PKD1: variants seen among roughly 807,000 people sequenced by gnomAD.
PKD1 encodes polycystin 1, transient receptor potential channel interacting.
Under a neutral mutation model 361.7 loss-of-function variants are expected in PKD1, and 81 were observed. That is an observed-to-expected ratio of 0.22 (90% CI 0.19 to 0.27). PKD1 has a LOEUF of 0.27. PKD1 is among the 10% of genes least tolerant of loss of function. The pLI, the probability that PKD1 is intolerant of heterozygous loss-of-function variation, is 1.00. For missense variants in PKD1, 6,399 were observed against 6,118.3 expected, an observed-to-expected ratio of 1.05 and a Z score of -1.53; for synonymous variants, 3,615 against 2,818.3, an observed-to-expected ratio of 1.28 and a Z score of -8.95.
In PKD1 at chr16:2,106,961, T is replaced by G; in HGVS notation, c.7066-13A>C. On this transcript the variant is annotated splice_polypyrimidine_tract_variant and intron_variant, in intron 16 of 45. Coordinates refer to ENST00000262304, the MANE Select transcript of PKD1 (RefSeq NM_001009944.3). This position sits in a 1 kb window ranked among gnomAD's most constrained non-coding sequence, Gnocchi z 6.5. Reference sequence around the variant, plus strand: ...TCCGGATCAGCACCTGGCGTGGGAGTGGGGTTACCTCCAACACAGGTCTAT... The same window carrying G: ...TCCGGATCAGCACCTGGCGTGGGAGGGGGGTTACCTCCAACACAGGTCTAT... 6.3e-7 allele frequency: 1 copy of G among 1,582,242 alleles called. No homozygotes were observed. Among genetic ancestry groups the G allele is most frequent in the Admixed American group, 1.7e-5 (1 of 59,908 alleles).
At chr16:2,119,055 G>C in intron 3 of PKD1, 59 bp downstream of exon 3, 1 of 1,012,102 alleles carries the variant, frequency 9.9e-7, no homozygotes, top group East Asian at 2.6e-5. Flanking sequence ...TGGGAGGGCA[G>C]AAGGGATATT....
rs772045797 is a variant in PKD1 at position 2,111,334 on chromosome 16, C to T, written c.3833G>A (p.Ser1278Asn). 2 of 1,608,866 alleles carry T rather than the reference C, an allele frequency of 1.2e-6. No homozygotes were observed. The highest frequency in any genetic ancestry group is 2.2e-5 in the South Asian group (2 of 90,912). ...QNCTVTVGAA[S>N]PAGHLARSLH... ...GCTCCGGGCCAGGTGGCCGGCGGGG[C>T]TGGCCGCACCCACGGTCACTGTGCA... Residue 1278 changes from serine (S) to asparagine (N), a missense_variant, in exon 15 of 46, where the codon AGC (serine) becomes AAC (asparagine). Ser to Asn is a conservative substitution (Grantham distance 46). Transcript: ENST00000262304.
chr16:2,102,067 C>G lies in PKD1; in HGVS notation c.9391G>C (p.Gly3131Arg). 4 of 1,547,770 alleles carry G rather than the reference C, an allele frequency of 2.6e-6. No individual in the cohort carries two copies. The South Asian group carries it at 4.6e-5, about 18-fold the overall frequency. The change falls in exon 26 of 46, where the codon GGC becomes CGC. Residue 3131 changes from glycine to arginine, a missense_variant. Transcript: ENST00000262304. ...ACCCCGCTGCGCCCCTCACCTGAGCCCCGGCCCCAGCCTGTCTTGACGAGG... is the reference window on the plus strand; with the variant it reads ...ACCCCGCTGCGCCCCTCACCTGAGCGCCGGCCCCAGCCTGTCTTGACGAGG... ...EILVKTGWGR[G>R]SGTTAHVGIM...
chr16:2,103,936 G>A (rs768366424), intron 22 of PKD1, 41 bp from the exon 23 acceptor site: 5 of 1,400,154 alleles, frequency 3.6e-6, no homozygotes, highest in African/African-American at 2.0e-5. Flanking sequence ...CAGGGAGGTA[G>A]AGGGAGGGTG....
At chr16:2,115,667 G>A in intron 9 of PKD1, 42 bp from the exon 10 acceptor site, 3 of 1,583,646 alleles carry the variant, frequency 1.9e-6, no homozygotes, top group South Asian at 1.1e-5. Context: ...TTTGCCCACA[G>A]GCCACCGTCA....
Position 2,110,862 on chromosome 16 carries a change from G to A in PKD1, c.4305C>T (p.Tyr1435=). 3.1e-6 allele frequency: 5 copies of A among 1,611,842 alleles called. No homozygotes were observed. The highest frequency in any genetic ancestry group is 4.2e-6 in the Non-Finnish European group (5 of 1,179,836). Residue 1435 remains tyrosine (Y), a synonymous_variant, in exon 15 of 46, where the codon TAC becomes TAT. Coordinates refer to ENST00000262304, the MANE Select transcript of PKD1 (RefSeq NM_001009944.3). ...RARGPEVTFI[Y]RDPGSYLVTV... Reference sequence around the variant, plus strand: ...TCACAAGATAGGAGCCTGGGTCTCGGTAGATGAACGTCACCTCAGGGCCCC... The same window carrying A: ...TCACAAGATAGGAGCCTGGGTCTCGATAGATGAACGTCACCTCAGGGCCCC...
chr16:2,125,705 G>A (rs1344858616), intron 1 of PKD1, among the ~76,000 whole-genome samples: 1 of 151,826 alleles, frequency 6.6e-6, no homozygotes, highest in East Asian at 1.9e-4. Flanking sequence ...TCATACGTAT[G>A]CTACCTGCCG....
At chr16:2,096,966 C>A in intron 34 of PKD1, 182 bp downstream of exon 34, 1 of 618,562 alleles carries the variant, frequency 1.6e-6, no homozygotes, top group Admixed American at 2.5e-5. Context: ...GGTTCTGGGG[C>A]CCTGGGGATC....
chr16:2,100,366 G>A lies in PKD1; in HGVS notation c.9568+30C>T, dbSNP rs777347956. ...CAGGGCGCCCCAATGCGGGGGCAGA[G>A]GGGCAGAGCTTGGCAGGGTCCGCAC... is the stretch of plus-strand genomic sequence containing the variant. On this transcript the variant is annotated intron_variant, in intron 27 of 45. Coordinates refer to ENST00000262304, the MANE Select transcript of PKD1 (RefSeq NM_001009944.3). The surrounding 1 kb of genome is among the most constrained non-coding windows in gnomAD (Gnocchi z 4.4). 5.6e-6 allele frequency: 9 copies of A among 1,610,940 alleles called. No homozygotes were observed. The highest frequency in any genetic ancestry group is 1.7e-5 in the Admixed American group (1 of 60,006).
At position 2,089,981 on chromosome 16, in the gene PKD1, C is replaced by G; in HGVS notation, c.12658G>C (p.Glu4220Gln). 6.2e-7 allele frequency: 1 copy of G among 1,611,856 alleles called. No homozygotes were observed. The highest frequency in any genetic ancestry group is 8.5e-7 in the Non-Finnish European group (1 of 1,179,636). ...PEPSRLQAVF[E>Q]ALLTQFDRLN... ...CGGTCAAACTGGGTGAGCAGGGCCT[C>G]GAACACGGCTTGGAGGCGGGAGGGC... is the stretch of plus-strand genomic sequence containing the variant. The change falls in exon 46 of 46, where the codon GAG becomes CAG. Residue 4220 changes from glutamate (E) to glutamine (Q), a missense_variant. Glu to Gln is a conservative substitution (Grantham distance 29). Transcript: ENST00000262304.
At chr16:2,122,524 C>T (rs1056874759) in intron 1 of PKD1, among the ~76,000 whole-genome samples, 3 of 152,202 alleles carry the variant, frequency 2.0e-5, no homozygotes, top group South Asian at 2.1e-4. Flanking sequence ...CCCACAGCCG[C>T]GCTGCTAGGC....
At chr16:2,102,790 G>T (rs377006345) in intron 24 of PKD1, 24 bp downstream of exon 24, 22 of 1,609,620 alleles carry the variant, frequency 1.4e-5, no homozygotes, top group Non-Finnish European at 2.5e-6. Context: ...GCCCTGCCCT[G>T]CCAGGCTGGC....
rs759757732 is a variant in PKD1 at position 2,090,899 on chromosome 16, G to C, written c.11988C>G (p.Phe3996Leu). 6.3e-7 allele frequency: 1 copy of C among 1,599,152 alleles called. No homozygotes were observed. Among genetic ancestry groups the C allele is most frequent in the South Asian group, 1.1e-5 (1 of 90,648 alleles). Residue 3996 changes from phenylalanine (F) to leucine (L), a missense_variant, in exon 43 of 46, where the codon TTC (phenylalanine) becomes TTG (leucine). By Grantham distance (22) the Phe-to-Leu change is conservative. Transcript: ENST00000262304. Reference protein sequence around the residue: ...AARGLAASLLFLLLVKAAQQL... With the variant: ...AARGLAASLLLLLLVKAAQQL... ...CAGCCCTCACCTTGACCAAAAGCAG[G>C]AAGAGCAGCGAGGCCGCCAGGCCAC...
intron 1 of PKD1, among the ~76,000 whole-genome samples, chr16:2,125,236 G>T (rs1253026147): frequency 6.6e-6 from 1 of 152,220 alleles, no homozygotes; most frequent in Non-Finnish European, 1.5e-5. Flanking sequence ...CCCGGGCTGG[G>T]CAGATGGCTG....
intron 15 of PKD1, 27 bp downstream of exon 15, chr16:2,108,225 T>C (rs560681737): frequency 5.1e-6 from 8 of 1,581,918 alleles, no homozygotes; most frequent in South Asian, 2.3e-5. Flanking sequence ...GTGAGGGGCA[T>C]GGAGGACGGC....
Position 2,112,277 on chromosome 16 carries a change from G to A in PKD1, c.3295+63C>T, listed in dbSNP as rs2369076. 7.6e-6 allele frequency: 11 copies of A among 1,446,850 alleles called. No homozygotes were observed. The East Asian group carries it at 1.9e-4, about 25-fold the overall frequency. The allele number at this position is 1,446,850 out of a possible 1,614,324, so 89.6% of individuals were successfully genotyped here. A position where few individuals can be genotyped will look rare whatever the true frequency, so the allele number is the denominator to read the frequency against. ...GGAAGGGGGGCAGCTTGACTGGGGA[G>A]CTGGGGGGACCCCGTGCTCAGAGCC... On this transcript the variant is annotated intron_variant, in intron 14 of 45. Coordinates refer to ENST00000262304, the MANE Select transcript of PKD1 (RefSeq NM_001009944.3).
At chr16:2,108,129 A>G in intron 15 of PKD1, 97 bp from the exon 16 acceptor site, 1 of 1,482,088 alleles carries the variant, frequency 6.7e-7, no homozygotes, top group Non-Finnish European at 9.3e-7. Flanking sequence ...CCCCCTCCCC[A>G]TGCTGGGACG....
At position 2,103,565 on chromosome 16, in the gene PKD1, G is replaced by A. The variant is rs2092194776; in HGVS notation, c.8492C>T (p.Ser2831Phe). 3.7e-6 allele frequency: 6 copies of A among 1,610,066 alleles called. No homozygotes were observed. Among genetic ancestry groups the A allele is most frequent in the Non-Finnish European group, 5.1e-6 (6 of 1,179,658 alleles). Residue 2831 changes from serine (S) to phenylalanine (F), a missense_variant, in exon 23 of 46, where the codon TCC becomes TTC. By Grantham distance (155) the Ser-to-Phe change is radical. Transcript: ENST00000262304. Reference sequence around the variant, plus strand: ...GATATAGCCAAAGGGAAAGGGATTGGAGTCCACCAGAAAGATGAGCTGCAC... The same window carrying A: ...GATATAGCCAAAGGGAAAGGGATTGAAGTCCACCAGAAAGATGAGCTGCAC... ...DVVQLIFLVD[S>F]NPFPFGYISN... is the part of the protein sequence containing the mutation.
rs771767495 is a variant in PKD1, at chr16:2,115,630, G to C, written c.1850-5C>G. The stretch of plus-strand genomic sequence containing the variant: ...CGCTGCCGTTCTCCGGGGTCCCTGT[G>C]AGGAGGGGAGGGTGTTGGGGCCCTG... On this transcript the variant is annotated splice_polypyrimidine_tract_variant and splice_region_variant and intron_variant, in intron 9 of 45. Coordinates refer to ENST00000262304, the MANE Select transcript of PKD1 (RefSeq NM_001009944.3). 3.1e-6 allele frequency: 5 copies of C among 1,597,962 alleles called. No homozygotes were observed. Among genetic ancestry groups the C allele is most frequent in the Middle Eastern group, 2.3e-4 (1 of 4,414 alleles).
Sources: allele counts gnomAD v4.1 joint callset (sites outside exome capture counted in the v4.1 genomes callset), GRCh38; gene constraint gnomAD v4.1.1; non-coding constraint Gnocchi (gnomAD v3.1); transcripts MANE v1.5; gene names NCBI Gene and HGNC (gene_info 2026-07-23, HGNC 2026-07-21).